Variants in PRKCH observed in about 807,000 individuals in gnomAD.
PRKCH encodes protein kinase C eta.
Under a neutral mutation model 82.5 loss-of-function variants are expected in PRKCH, and 28 were observed. The ratio of observed to expected loss-of-function variants is 0.34; its 90% CI spans 0.25 to 0.47. The LOEUF (loss-of-function observed/expected upper bound fraction) is 0.47. Among genes scored for constraint, PRKCH ranks in the 20% least tolerant of loss-of-function variants. The probability of loss-of-function intolerance (pLI) is 1.00; values close to 1 mark genes in which losing one functional copy is unlikely to be tolerated. For missense variants in PRKCH, 705 were observed against 881.8 expected (o/e 0.80, Z 2.54); for synonymous variants, 322 against 327.4 (o/e 0.98, Z 0.18).
At chr14:61,512,996 T>A (rs1034913890) in intron 10 of PRKCH, among the ~76,000 whole-genome samples, 1 of 152,038 alleles carries the variant, frequency 6.6e-6, no homozygotes. Context: ...TTAAAAAAAA[T>A]TTTATAGAGA....
intron 13 of PRKCH, among the ~76,000 whole-genome samples, chr14:61,548,998 C>T (rs1442157209): frequency 6.6e-6 from 1 of 152,070 alleles, no homozygotes; most frequent in Non-Finnish European, 1.5e-5. Flanking sequence ...TAAAAACATA[C>T]AGTGCACTTA....
At chr14:61,266,256 A>G (rs2045099791) in intron 1 of PRKCH, among the ~76,000 whole-genome samples, 1 of 151,398 alleles carries the variant, frequency 6.6e-6, no homozygotes, top group African/African-American at 2.4e-5. Flanking sequence ...CGACTCTACT[A>G]AAAATACAAA....
At chr14:61,427,690 A>G (rs1386177352) in intron 2 of PRKCH, among the ~76,000 whole-genome samples, 1 of 152,006 alleles carries the variant, frequency 6.6e-6, no homozygotes, top group Non-Finnish European at 1.5e-5. Context: ...GGGCTTAAGT[A>G]ATCCTTCTGC....
intron 1 of PRKCH, among the ~76,000 whole-genome samples, chr14:61,264,865 A>G (rs1175944370): frequency 6.6e-6 from 1 of 152,120 alleles, no homozygotes; most frequent in Non-Finnish European, 1.5e-5. Flanking sequence ...GTGGTCCATG[A>G]CGCAGTTTGA....
At chr14:61,228,676 T>C (rs541748082) in intron 1 of PRKCH, among the ~76,000 whole-genome samples, 7 of 152,122 alleles carry the variant, frequency 4.6e-5, no homozygotes, top group Non-Finnish European at 8.8e-5. Context: ...ACCTTTTCTA[T>C]ATGTATTTTG....
At chr14:61,351,800 A>G (rs1037217842) in intron 1 of PRKCH, among the ~76,000 whole-genome samples, 1 of 152,182 alleles carries the variant, frequency 6.6e-6, no homozygotes, top group Non-Finnish European at 1.5e-5. Flanking sequence ...AAATTTGAAC[A>G]TCCAACTTCA....
At chr14:61,386,481 A>G (rs537881822) in intron 1 of PRKCH, among the ~76,000 whole-genome samples, 48 of 152,258 alleles carry the variant, frequency 3.2e-4, no homozygotes, top group African/African-American at 1.1e-3. Flanking sequence ...AGAGACTTCG[A>G]GAGTGGACGT....
chr14:61,446,223 T>C (rs1243367357), intron 4 of PRKCH, among the ~76,000 whole-genome samples: 1 of 151,702 alleles, frequency 6.6e-6, no homozygotes, highest in Non-Finnish European at 1.5e-5. Context: ...CTGTCAGTGA[T>C]CTTGTAAGTT....
intron 1 of PRKCH, among the ~76,000 whole-genome samples, chr14:61,271,489 T>A (rs1253437303): frequency 6.6e-6 from 1 of 152,230 alleles, no homozygotes; most frequent in East Asian, 1.9e-4. Flanking sequence ...TCATGATTAA[T>A]CATTATTTGC....
intron 7 of PRKCH, among the ~76,000 whole-genome samples, chr14:61,454,248 T>C (rs1884655910): frequency 6.6e-6 from 1 of 152,004 alleles, no homozygotes; most frequent in Admixed American, 6.5e-5. Flanking sequence ...GAATTACAGG[T>C]GCCCACTACC....
intron 1 of PRKCH, chr14:61,305,732 A>T (rs1450732396): frequency 6.6e-6 from 1 of 152,096 alleles, no homozygotes; most frequent in Admixed American, 6.6e-5. Context: ...GTTTAATCAC[A>T]TATTCATCTT....
chr14:61,474,128 A>G (rs1386488503), intron 9 of PRKCH, among the ~76,000 whole-genome samples: 1 of 152,230 alleles, frequency 6.6e-6, no homozygotes, highest in African/African-American at 2.4e-5. Context: ...GTGGTTTCAT[A>G]GTAGGATAAA....
At chr14:61,317,133 G>A (rs997577485), upstream of PRKCH, among the ~76,000 whole-genome samples, 1 of 152,142 alleles carries the variant, frequency 6.6e-6, no homozygotes, top group African/African-American at 2.4e-5. Context: ...TTTAACTAAG[G>A]CCCATGCTTT....
intron 2 of PRKCH, among the ~76,000 whole-genome samples, chr14:61,402,548 G>C (rs945515594): frequency 6.6e-6 from 1 of 152,152 alleles, no homozygotes; most frequent in South Asian, 2.1e-4. Context: ...TGTAATCCCA[G>C]CACTTTGGGA....
intron 10 of PRKCH, among the ~76,000 whole-genome samples, chr14:61,517,213 C>T (rs1396655327): frequency 2.0e-5 from 3 of 152,028 alleles, no homozygotes; most frequent in African/African-American, 7.3e-5. Context: ...CTTCTCTTTC[C>T]TGTCGTAAAG....
rs10135153 is a variant in PRKCH at position 61,354,178 on chromosome 14, T to C, written c.363+31714T>C. ...TACTTGGAATTTCATATATGGAATA[T>C]AGATGAGATGGTTGGCATTTGACCA... On this transcript the variant is annotated intron_variant, in intron 1 of 13. Transcript: ENST00000332981. Among the ~76,000 whole-genome samples, 697 of 152,320 alleles carry C rather than the reference T, an allele frequency of 4.6e-3. 6 individuals carry two copies. Among genetic ancestry groups the C allele is most frequent in the African/African-American group, 0.016 (676 of 41,564 alleles).
chr14:61,390,153 G>A (rs77033676), intron 1 of PRKCH, among the ~76,000 whole-genome samples: 2,657 of 152,254 alleles, frequency 0.017, 77 homozygotes, highest in African/African-American at 0.061. Flanking sequence ...GTTAGCATCC[G>A]GTAGGAAGAG....
intron 1 of PRKCH, among the ~76,000 whole-genome samples, chr14:61,241,010 A>G (rs1184456267): frequency 6.6e-6 from 1 of 152,178 alleles, no homozygotes; most frequent in Non-Finnish European, 1.5e-5. Context: ...CCACAGGTTG[A>G]GAACTCAGTT....
At chr14:61,229,942 C>T (rs1308649774) in intron 1 of PRKCH, among the ~76,000 whole-genome samples, 1 of 152,156 alleles carries the variant, frequency 6.6e-6, no homozygotes, top group Admixed American at 6.5e-5. Context: ...AAAACATTTT[C>T]ATAAAGGTTT....
Sources: gnomAD v4.1 joint callset for allele counts (sites outside exome capture counted in the v4.1 genomes callset) on GRCh38, gnomAD v4.1.1 for gene constraint, MANE v1.5 for transcripts, NCBI Gene and HGNC (gene_info 2026-07-23, HGNC 2026-07-21) for gene names.